Variants in ELOA observed in about 807,000 individuals in gnomAD.
The protein encoded by ELOA is elongin-A.
ELOA carries 15 observed loss-of-function variants against 85.2 expected under a neutral mutation model. That is an observed-to-expected ratio of 0.18 (90% CI 0.12 to 0.27). The LOEUF is 0.27. Among genes scored for constraint, ELOA ranks in the 10% least tolerant of loss-of-function variants. The pLI is 1.00. For missense variants in ELOA, 769 were observed against 952.7 expected, an observed-to-expected ratio of 0.81 and a Z score of 2.54; for synonymous variants, 348 against 357.2, an observed-to-expected ratio of 0.97 and a Z score of 0.29.
rs976607513 is a variant in ELOA at position 23,754,038 on chromosome 1, G to C, written c.1538-62G>C. The C allele has an allele frequency of 2.2e-5, 34 of 1,574,452 alleles. No individual in the cohort carries two copies. The South Asian group carries it at 2.2e-4, about 10-fold the overall frequency. ...GGGAAAGGGAAGTAGGAGGCTGAAG[G>C]GGGTAGAAGGAGAGTTTTCACTGGA... On this transcript the variant is annotated intron_variant, in intron 5 of 10. Coordinates refer to ENST00000613537, the MANE Select transcript of ELOA (RefSeq NM_003198.3).
At position 23,748,971 on chromosome 1, in the gene ELOA, T is replaced by C. The variant is rs373947459; in HGVS notation, c.76-50T>C. 2.7e-6 allele frequency: 4 copies of C among 1,476,260 alleles called. 1 individual carries two copies. The South Asian group carries it at 4.5e-5, about 17-fold the overall frequency. 91.4% of individuals were successfully genotyped at this position (1,476,260 alleles called of 1,614,324 possible). On this transcript the variant is annotated intron_variant, in intron 1 of 10. Transcript: ENST00000613537. ...CACTAAGCACTTAATAATCAGATAT[T>C]CTTGTTAAAGTGAATTTGACTATTG...
chr1:23,744,706 A>G (rs1389169212), intron 1 of ELOA, among the ~76,000 whole-genome samples: 2 of 152,170 alleles, frequency 1.3e-5, no homozygotes, highest in South Asian at 2.1e-4. Context: ...AAGTGGAAGT[A>G]CAACGATGAA....
chr1:23,744,587 G>C lies in ELOA; in HGVS notation c.75+1009G>C, dbSNP rs143560339. Among the ~76,000 whole-genome samples the C allele has an allele frequency of 8.8e-3, 1,334 of 152,012 alleles. 16 individuals are homozygous for C. Among genetic ancestry groups the C allele is most frequent in the Middle Eastern group, 0.027 (8 of 294 alleles). The stretch of plus-strand genomic sequence containing the variant: ...TCTGCCTCAGCCTCCCGAGTAGCTG[G>C]TATTGTAGGCGCCCGCCACCACGCC... On this transcript the variant is annotated intron_variant, in intron 1 of 10. Coordinates refer to ENST00000613537, the MANE Select transcript of ELOA (RefSeq NM_003198.3).
At position 23,759,818 on chromosome 1, in the gene ELOA, A is replaced by G. The variant is rs1022956105; in HGVS notation, c.*245A>G. The G allele has an allele frequency of 6.2e-5, 32 of 517,858 alleles. 1 individual carries two copies. Among genetic ancestry groups the G allele is most frequent in the South Asian group, 4.3e-4 (17 of 39,186 alleles). 32.1% of individuals were successfully genotyped at this position (517,858 alleles called of 1,614,324 possible). A position where few individuals can be genotyped will look rare whatever the true frequency, so the allele number is the denominator to read the frequency against. Reference sequence around the variant, plus strand: ...GTCTCACTGAGGATTTTAAAGGTCAATTATACTTTTGTTGTTCATTAGCAT... The same window carrying G: ...GTCTCACTGAGGATTTTAAAGGTCAGTTATACTTTTGTTGTTCATTAGCAT... On this transcript the variant is annotated 3_prime_UTR_variant, in exon 11 of 11. Transcript: ENST00000613537.
chr1:23,756,914 C>A lies in ELOA; in HGVS notation c.2085-39C>A, dbSNP rs764226567. 7 of 1,447,760 alleles carry A rather than the reference C, an allele frequency of 4.8e-6. No individual in the cohort carries two copies. The South Asian group carries it at 1.1e-4, about 23-fold the overall frequency. 89.7% of individuals were successfully genotyped at this position (1,447,760 alleles called of 1,614,324 possible). On this transcript the variant is annotated intron_variant, in intron 9 of 10. Coordinates refer to ENST00000613537, the MANE Select transcript of ELOA (RefSeq NM_003198.3). ...GGCTGTTCATGCTCAGGGCAGATTT[C>A]TTGTGCTCATGCCTAACCAGTGTTG...
In ELOA at chr1:23,755,837, T is replaced by C; in HGVS notation, c.1792-6T>C. ...TACACAAATGATGTCCTGGTTCTGG[T>C]TTCAGGTATTAATTGAAGAAACAGA... On this transcript the variant is annotated splice_polypyrimidine_tract_variant and splice_region_variant and intron_variant, in intron 7 of 10. Coordinates refer to ENST00000613537, the MANE Select transcript of ELOA (RefSeq NM_003198.3). The C allele has an allele frequency of 6.3e-7, 1 of 1,585,350 alleles. No individual in the cohort carries two copies. Among genetic ancestry groups the C allele is most frequent in the Non-Finnish European group, 8.6e-7 (1 of 1,167,750 alleles).
chr1:23,754,903 C>G (rs1171947580), intron 7 of ELOA, among the ~76,000 whole-genome samples: 1 of 151,284 alleles, frequency 6.6e-6, no homozygotes, highest in Non-Finnish European at 1.5e-5. Context: ...CATCAGCTGT[C>G]TCTCTTTAAT....
At chr1:23,747,871 G>A (rs533582326) in intron 1 of ELOA, among the ~76,000 whole-genome samples, 1 of 152,276 alleles carries the variant, frequency 6.6e-6, no homozygotes, top group African/African-American at 2.4e-5. Context: ...ATAGCAATAT[G>A]GCATACCAAT....
chr1:23,747,119 T>A (rs976784599), intron 1 of ELOA, among the ~76,000 whole-genome samples: 14 of 152,202 alleles, frequency 9.2e-5, no homozygotes, highest in Admixed American at 3.3e-4. Context: ...CTCATCCTTA[T>A]ATGTTGGCTT....
intron 9 of ELOA, 39 bp downstream of exon 9, chr1:23,756,424 A>G (rs1644795090): frequency 6.6e-7 from 1 of 1,524,574 alleles, no homozygotes; most frequent in Non-Finnish European, 8.9e-7. Context: ...GTGTGCTATC[A>G]ACCCTTAGAG....
At chr1:23,757,778 G>T (rs998612787) in intron 10 of ELOA, among the ~76,000 whole-genome samples, 1 of 150,868 alleles carries the variant, frequency 6.6e-6, no homozygotes, top group African/African-American at 2.4e-5. Context: ...GATTACAGGC[G>T]TGAGCCACTG....
chr1:23,761,313 A>G lies in ELOA; in HGVS notation c.*1740A>G, dbSNP rs1426753069. The G allele has an allele frequency of 6.6e-6, 1 of 152,146 alleles. No individual in the cohort carries two copies. Among genetic ancestry groups the G allele is most frequent in the Non-Finnish European group, 1.5e-5 (1 of 68,018 alleles). 9.4% of individuals were successfully genotyped at this position (152,146 alleles called of 1,614,324 possible). ...TAGGAAGCCTCTTAACTGAAACCAAATGAACATTTGGGTCAGGTGCCAGAT... is the reference window on the plus strand; with the variant it reads ...TAGGAAGCCTCTTAACTGAAACCAAGTGAACATTTGGGTCAGGTGCCAGAT... On this transcript the variant is annotated 3_prime_UTR_variant, in exon 11 of 11. Coordinates refer to ENST00000613537, the MANE Select transcript of ELOA (RefSeq NM_003198.3).
At chr1:23,758,662 A>C (rs1638249203) in intron 10 of ELOA, among the ~76,000 whole-genome samples, 1 of 150,544 alleles carries the variant, frequency 6.6e-6, no homozygotes, top group Non-Finnish European at 1.5e-5. Flanking sequence ...CAGTATCCTA[A>C]GGGGATGTCC....
chr1:23,743,575 G>A lies in ELOA; in HGVS notation c.72G>A (p.Lys24=), dbSNP rs1489683508. Residue 24 remains lysine, a synonymous_variant, in exon 1 of 11, where the codon AAG becomes AAA. Coordinates refer to ENST00000613537, the MANE Select transcript of ELOA (RefSeq NM_003198.3). The part of the protein sequence containing the change: ...QARLAANPDP[K]KLLKYLKKLS... Reference sequence around the variant, plus strand: ...GCCTGGCCGCGAACCCGGACCCTAAGAAGGTAAGCGAGGGGGCGGCGCGTA... The same window carrying A: ...GCCTGGCCGCGAACCCGGACCCTAAAAAGGTAAGCGAGGGGGCGGCGCGTA... 6.7e-7 allele frequency: 1 copy of A among 1,487,176 alleles called. No homozygotes were observed. Among genetic ancestry groups the A allele is most frequent in the Admixed American group, 2.2e-5 (1 of 45,206 alleles). The allele number at this position is 1,487,176 out of a possible 1,614,324, so 92.1% of individuals were successfully genotyped here.
At chr1:23,754,527 C>A in intron 7 of ELOA, 67 bp downstream of exon 7, 1 of 1,258,860 alleles carries the variant, frequency 7.9e-7, no homozygotes, top group Non-Finnish European at 1.2e-6. Context: ...TAGCTTTGTC[C>A]CTGTGACTCC....
chr1:23,752,569 A>G, intron 5 of ELOA, 51 bp downstream of exon 5: 3 of 1,545,662 alleles, frequency 1.9e-6, no homozygotes, highest in South Asian at 1.2e-5. Context: ...TTAAAAATTC[A>G]TTCAAGGCAG....
chr1:23,747,419 C>T (rs1401849700), intron 1 of ELOA, among the ~76,000 whole-genome samples: 1 of 152,076 alleles, frequency 6.6e-6, no homozygotes, highest in African/African-American at 2.4e-5. Flanking sequence ...AGAATAACAT[C>T]CACTTTATAG....
In ELOA at chr1:23,752,445, AC is replaced by A; in HGVS notation, c.1467del (p.Ala490ArgfsTer14). 1 of 1,613,960 alleles carries A rather than the reference AC, an allele frequency of 6.2e-7. No individual in the cohort carries two copies. On this transcript the variant is annotated frameshift_variant, in exon 5 of 11. Transcript: ENST00000613537. LOFTEE classifies it high-confidence loss of function. ...VLPVLPDLPL[P>X]AIQANYRPLP... ...TGCCAGTGTTGCCAGACCTCCCGTT[AC>A]CCGCGATACAGGCCAATTACCGTCC... is the stretch of plus-strand genomic sequence containing the variant.
rs1251172620 is a variant in ELOA, at chr1:23,751,207, A to G, written c.602A>G (p.Gln201Arg). 7 of 1,614,250 alleles carry G rather than the reference A, an allele frequency of 4.3e-6. No homozygotes were observed. In the East Asian group the frequency reaches 8.9e-5, roughly 21 times the overall value. Residue 201 changes from glutamine to arginine, a missense_variant, in exon 4 of 11, where the codon CAG (glutamine) becomes CGG (arginine). Coordinates refer to ENST00000613537, the MANE Select transcript of ELOA (RefSeq NM_003198.3). ...VDHYRSLEED[Q>R]EPIVSHQKPG... is the part of the protein sequence containing the mutation. The stretch of plus-strand genomic sequence containing the variant: ...CACTACAGATCCCTGGAGGAGGACC[A>G]GGAGCCCATTGTTTCACACCAGAAG...
Sources: gnomAD v4.1 joint callset for allele counts (sites outside exome capture counted in the v4.1 genomes callset) on GRCh38, gnomAD v4.1.1 for gene constraint, MANE v1.5 for transcripts, NCBI Gene and HGNC (gene_info 2026-07-23, HGNC 2026-07-21) for gene names.